MEI4: variants seen among roughly 807,000 people sequenced by gnomAD.
The protein encoded by MEI4 is meiosis-specific protein MEI4.
MEI4 carries 27 observed loss-of-function variants against 31.4 expected under a neutral mutation model. That is an observed-to-expected ratio of 0.86 (90% CI 0.63 to 1.19). The LOEUF (loss-of-function observed/expected upper bound fraction) is 1.19. MEI4 is among the 50% of genes most tolerant of loss of function. The pLI, the probability that MEI4 is intolerant of heterozygous loss-of-function variation, is 0.00. For synonymous variants in MEI4, 122 were observed against 145.4 expected (o/e 0.84, Z 1.16); for missense variants, 329 against 398.9 (o/e 0.82, Z 1.49).
At position 77,766,972 on chromosome 6, in the gene MEI4, T is replaced by C. The variant is rs553673183; in HGVS notation, c.768+5307T>C. ...TATCCTCTGTGTTTGAGATTTTTTA[T>C]GTTCATGGCTATTAACCAGTTACTT... On this transcript the variant is annotated intron_variant, in intron 3 of 4. Transcript: ENST00000684080. Among the ~76,000 whole-genome samples, 3 of 152,294 alleles carry C rather than the reference T, an allele frequency of 2.0e-5. No homozygotes were observed. The South Asian group carries it at 6.2e-4, about 32-fold the overall frequency.
Position 77,924,095 on chromosome 6 carries a change from A to G in MEI4, c.*749A>G, listed in dbSNP as rs560566538. ...ATTTTATAAATTCTAATATCCATCT[A>G]AAAGTGAAATTTATAGTTATTTGGT... is the stretch of plus-strand genomic sequence containing the variant. On this transcript the variant is annotated 3_prime_UTR_variant, in exon 5 of 5. Coordinates refer to ENST00000684080, the MANE Select transcript of MEI4 (RefSeq NM_001322247.2). 2.4e-4 allele frequency: 36 copies of G among 151,916 alleles called. No homozygotes were observed. The South Asian group carries it at 7.2e-3, about 31-fold the overall frequency. The allele number at this position is 151,916 out of a possible 1,614,324, so 9.4% of individuals were successfully genotyped here. A position where few individuals can be genotyped will look rare whatever the true frequency, so the allele number is the denominator to read the frequency against.
intron 3 of MEI4, among the ~76,000 whole-genome samples, chr6:77,805,883 A>G (rs921699652): frequency 1.3e-4 from 19 of 151,804 alleles, no homozygotes; most frequent in African/African-American, 4.6e-4. Context: ...TTTGTTAAGC[A>G]TTAGAATGGA....
At chr6:77,754,083 C>T (rs1181446222) in intron 2 of MEI4, among the ~76,000 whole-genome samples, 1 of 151,926 alleles carries the variant, frequency 6.6e-6, no homozygotes, top group African/African-American at 2.4e-5. Context: ...GGGAACATCA[C>T]ACACCATGTC....
At chr6:77,793,371 G>C (rs1484590463) in intron 3 of MEI4, among the ~76,000 whole-genome samples, 1 of 152,190 alleles carries the variant, frequency 6.6e-6, no homozygotes, top group African/African-American at 2.4e-5. Flanking sequence ...AACTAGTCCT[G>C]TCTTACAAGA....
At chr6:77,869,793 C>A (rs971946891) in intron 4 of MEI4, among the ~76,000 whole-genome samples, 2 of 152,070 alleles carry the variant, frequency 1.3e-5, no homozygotes, top group African/African-American at 4.8e-5. Context: ...AAGAGAATAT[C>A]AGGAAGAAGG....
chr6:77,806,627 TGGA>T (rs1769448141), intron 3 of MEI4, among the ~76,000 whole-genome samples: 1 of 152,078 alleles, frequency 6.6e-6, no homozygotes, highest in East Asian at 1.9e-4. Flanking sequence ...AAAATAAAAA[TGGA>T]GGAACTTCTA....
chr6:77,709,588 A>G (rs1411164323), intron 2 of MEI4, among the ~76,000 whole-genome samples: 1 of 152,338 alleles, frequency 6.6e-6, no homozygotes. Flanking sequence ...CATACTTTTT[A>G]TAGTACTTGA....
chr6:77,814,650 C>T (rs538404130), intron 3 of MEI4, among the ~76,000 whole-genome samples: 3 of 152,236 alleles, frequency 2.0e-5, no homozygotes, highest in South Asian at 4.1e-4. Flanking sequence ...GGTAGCTACT[C>T]TATGTTCACC....
intron 2 of MEI4, among the ~76,000 whole-genome samples, chr6:77,696,100 T>A (rs1360981893): frequency 6.6e-6 from 1 of 152,224 alleles, no homozygotes; most frequent in African/African-American, 2.4e-5. Context: ...CTTGTGAGTT[T>A]TGCACATTGA....
chr6:77,791,238 T>A (rs1582147042), intron 3 of MEI4, among the ~76,000 whole-genome samples: 1 of 152,220 alleles, frequency 6.6e-6, no homozygotes, highest in East Asian at 1.9e-4. Context: ...ACACGTATGT[T>A]TATTGCGGCA....
intron 3 of MEI4, among the ~76,000 whole-genome samples, chr6:77,798,989 G>A (rs1478793625): frequency 1.3e-5 from 2 of 151,936 alleles, no homozygotes; most frequent in African/African-American, 4.8e-5. Flanking sequence ...ATGATTTATA[G>A]TCCTTTGGGT....
chr6:77,906,339 C>A (rs950781636), intron 4 of MEI4, among the ~76,000 whole-genome samples: 4 of 152,082 alleles, frequency 2.6e-5, no homozygotes, highest in African/African-American at 7.2e-5. Context: ...AAAGATCATG[C>A]CTTATGGGGT....
At chr6:77,733,468 G>A (rs945297155) in intron 2 of MEI4, among the ~76,000 whole-genome samples, 1 of 152,060 alleles carries the variant, frequency 6.6e-6, no homozygotes. Context: ...GTGATCGGTG[G>A]TGGTATCCCG....
At chr6:77,736,216 G>T (rs886669149) in intron 2 of MEI4, among the ~76,000 whole-genome samples, 3 of 152,034 alleles carry the variant, frequency 2.0e-5, no homozygotes, top group Admixed American at 1.3e-4. Context: ...GGGCAATGGC[G>T]GGCGCCCCTC....
chr6:77,846,422 C>T (rs1770488433), intron 4 of MEI4, among the ~76,000 whole-genome samples: 1 of 152,002 alleles, frequency 6.6e-6, no homozygotes, highest in Non-Finnish European at 1.5e-5. Context: ...CAAATTATCT[C>T]CTCTGGTTAT....
intron 2 of MEI4, among the ~76,000 whole-genome samples, chr6:77,734,095 G>A (rs1405523861): frequency 2.0e-5 from 3 of 151,978 alleles, no homozygotes; most frequent in South Asian, 2.1e-4. Context: ...TGAAAAAAAT[G>A]TATATTCTGT....
chr6:77,795,309 C>T (rs529732617), intron 3 of MEI4, among the ~76,000 whole-genome samples: 8 of 152,150 alleles, frequency 5.3e-5, no homozygotes, highest in African/African-American at 1.7e-4. Context: ...CTCGCTCATG[C>T]TTTGTGGAGT....
chr6:77,673,192 A>G (rs919542470), intron 1 of MEI4, among the ~76,000 whole-genome samples: 2 of 152,198 alleles, frequency 1.3e-5, no homozygotes, highest in Admixed American at 6.5e-5. Flanking sequence ...ATGAAGCATT[A>G]AGTGGTTTCC....
intron 4 of MEI4, among the ~76,000 whole-genome samples, chr6:77,873,303 A>T (rs1315054112): frequency 2.0e-5 from 3 of 152,130 alleles, no homozygotes; most frequent in Non-Finnish European, 2.9e-5. Context: ...TTCTAACTGG[A>T]GTGAGATGGT....
Sources: allele counts gnomAD v4.1 joint callset (sites outside exome capture counted in the v4.1 genomes callset), GRCh38; gene constraint gnomAD v4.1.1; transcripts MANE v1.5; gene names NCBI Gene and HGNC (gene_info 2026-07-23, HGNC 2026-07-21).